The following DAW1 variants were observed in gnomAD, a reference collection of about 807,000 sequenced individuals.
The protein encoded by DAW1 is dynein assembly factor with WD repeats 1, also known as dynein assembly factor with WD repeat domains 1.
DAW1 carries 47 observed loss-of-function variants against 56.5 expected under a neutral mutation model. That is an observed-to-expected ratio of 0.83 (90% CI 0.66 to 1.06). DAW1 has a LOEUF of 1.06. DAW1 is among the 50% of genes least tolerant of loss of function. The probability of loss-of-function intolerance (pLI) is 0.00; values close to 1 mark genes in which losing one functional copy is unlikely to be tolerated. For synonymous variants in DAW1, 190 were observed against 179.0 expected, an observed-to-expected ratio of 1.06 and a Z score of -0.49; for missense variants, 505 against 499.3, an observed-to-expected ratio of 1.01 and a Z score of -0.11.
At chr2:227,906,185 T>C in intron 8 of DAW1, 51 bp from the exon 9 acceptor site, 1 of 1,443,502 alleles carries the variant, frequency 6.9e-7, no homozygotes, top group Non-Finnish European at 9.7e-7. Context: ...TTCATGTGCA[T>C]ATACTGAAGT....
At chr2:227,922,633 G>A (rs991680803) in intron 12 of DAW1, among the ~76,000 whole-genome samples, 1 of 152,138 alleles carries the variant, frequency 6.6e-6, no homozygotes, top group Non-Finnish European at 1.5e-5. Flanking sequence ...TGGCCAATTA[G>A]GTGGTTTCCT....
chr2:227,876,572 C>A (rs1356294500), intron 1 of DAW1: 1 of 1,185,850 alleles, frequency 8.4e-7, no homozygotes, highest in Non-Finnish European at 1.1e-6. Context: ...TTTATCCCTT[C>A]TGCATATAGA....
intron 10 of DAW1, among the ~76,000 whole-genome samples, chr2:227,913,881 ATCTG>A (rs71422211): frequency 0.25 from 29,586 of 120,030 alleles, 3,308 homozygotes; most frequent in East Asian, 0.45. Context: ...ATATCTATCT[ATCTG>A]TCTGTCTGTC....
At chr2:227,913,881 A>ATCTATCTGTCTG (rs79833260) in intron 10 of DAW1, among the ~76,000 whole-genome samples, 23 of 120,504 alleles carry the variant, frequency 1.9e-4, no homozygotes, top group African/African-American at 3.4e-4. Context: ...ATATCTATCT[A>ATCTATCTGTCTG]TCTGTCTGTC....
chr2:227,903,182 TA>T (rs1691589464), intron 7 of DAW1, 73 bp downstream of exon 7: 1 of 1,496,958 alleles, frequency 6.7e-7, no homozygotes, highest in Non-Finnish European at 9.2e-7. Context: ...AAATGAGCTC[TA>T]AGTTGGAGGT....
chr2:227,872,904 C>T (rs1013261347), intron 1 of DAW1, among the ~76,000 whole-genome samples: 2 of 152,130 alleles, frequency 1.3e-5, no homozygotes, highest in African/African-American at 2.4e-5. Flanking sequence ...GGTTTTCACC[C>T]TCATCTCCTA....
chr2:227,921,331 T>TGGTG, intron 11 of DAW1, 68 bp from the exon 12 acceptor site: 1 of 295,576 alleles, frequency 3.4e-6, no homozygotes, highest in Non-Finnish European at 5.3e-6. Context: ...TTTTTTTTTT[T>TGGTG]TTGCTGATAA....
At chr2:227,881,967 A>G (rs1715846) in intron 1 of DAW1, among the ~76,000 whole-genome samples, 130,338 of 151,966 alleles carry the variant, frequency 0.86, 56,006 homozygotes, top group Middle Eastern at 0.96. Context: ...GGCCAGGCTG[A>G]TCTCAAACTC....
In DAW1 at chr2:227,899,726, C is replaced by T. The variant is rs953394257; in HGVS notation, c.540+1445C>T. Among the ~76,000 whole-genome samples the T allele has an allele frequency of 4.9e-4, 74 of 152,206 alleles. 1 individual carries two copies. Among genetic ancestry groups the T allele is most frequent in the African/African-American group, 1.7e-3 (69 of 41,522 alleles). On this transcript the variant is annotated intron_variant, in intron 6 of 12. Transcript: ENST00000309931. The stretch of plus-strand genomic sequence containing the variant: ...AGGGAGGAAAAGCAAGCCACAGTGG[C>T]GACAGCTTTTGTGAATAGTCGGTGA...
At chr2:227,918,155 T>A (rs924838670) in intron 10 of DAW1, among the ~76,000 whole-genome samples, 47 of 91,700 alleles carry the variant, frequency 5.1e-4, no homozygotes, top group Non-Finnish European at 1.1e-3. Flanking sequence ...CATCCATCCA[T>A]CCATCCATCC....
chr2:227,893,007 C>T lies in DAW1; in HGVS notation c.318-788C>T, dbSNP rs557432455. Among the ~76,000 whole-genome samples the T allele has an allele frequency of 6.6e-4, 101 of 152,090 alleles. 2 individuals are homozygous for T. In the South Asian group the frequency reaches 0.013, roughly 20 times the overall value. ...AATATAGGCCAGGTGTGGTGGCGCA[C>T]GCCTGTAATCCCAGCACTTTGGGAG... On this transcript the variant is annotated intron_variant, in intron 4 of 12. Coordinates refer to ENST00000309931, the MANE Select transcript of DAW1 (RefSeq NM_178821.3).
At chr2:227,914,316 G>C (rs922455222) in intron 10 of DAW1, among the ~76,000 whole-genome samples, 1 of 151,962 alleles carries the variant, frequency 6.6e-6, no homozygotes, top group Admixed American at 6.6e-5. Flanking sequence ...ACCGTGGCTG[G>C]TGCTATAATA....
At chr2:227,897,285 G>A (rs1023245665) in intron 5 of DAW1, among the ~76,000 whole-genome samples, 1 of 151,960 alleles carries the variant, frequency 6.6e-6, no homozygotes, top group Non-Finnish European at 1.5e-5. Flanking sequence ...CAAAGAGGAT[G>A]GCACTTTGCT....
rs369289930 is a variant in DAW1, at chr2:227,913,457, C to T, written c.974-5323C>T. 6.4e-4 allele frequency among the ~76,000 whole-genome samples: 98 copies of T among 152,228 alleles called. 1 individual carries two copies. Among genetic ancestry groups the T allele is most frequent in the African/African-American group, 2.2e-3 (91 of 41,544 alleles). On this transcript the variant is annotated intron_variant, in intron 10 of 12. Coordinates refer to ENST00000309931, the MANE Select transcript of DAW1 (RefSeq NM_178821.3). ...ATAATGCTTTTCTCCTTGATAACCA[C>T]ATATGATGCCTGATATTTATATGGA...
chr2:227,893,253 G>A (rs1691315827), intron 4 of DAW1, among the ~76,000 whole-genome samples: 2 of 145,980 alleles, frequency 1.4e-5, no homozygotes, highest in African/African-American at 5.0e-5. Flanking sequence ...CTGGGTGACA[G>A]AGCAAGACTC....
rs1330563930 is a variant in DAW1, at chr2:227,898,325, A to G, written c.540+44A>G. On this transcript the variant is annotated intron_variant, in intron 6 of 12. Transcript: ENST00000309931. Reference sequence around the variant, plus strand: ...TTATTATTATTTTATGTATATATATATATTATTTTCTTTGAGATGGAGTCT... The same window carrying G: ...TTATTATTATTTTATGTATATATATGTATTATTTTCTTTGAGATGGAGTCT... The G allele has an allele frequency of 5.9e-6, 6 of 1,017,360 alleles. 1 individual carries two copies. The highest frequency in any genetic ancestry group is 8.6e-5 in the Admixed American group (2 of 23,282). The allele number at this position is 1,017,360 out of a possible 1,614,324, so 63.0% of individuals were successfully genotyped here.
rs146002940 is a variant in DAW1 at position 227,917,204 on chromosome 2, C to T, written c.974-1576C>T. Among the ~76,000 whole-genome samples the T allele has an allele frequency of 1.1e-3, 172 of 151,874 alleles. 3 individuals carry two copies. The highest frequency in any genetic ancestry group is 3.5e-3 in the African/African-American group (147 of 41,418). On this transcript the variant is annotated intron_variant, in intron 10 of 12. Coordinates refer to ENST00000309931, the MANE Select transcript of DAW1 (RefSeq NM_178821.3). ...TCTATCTATGTATCTATCCATCTAT[C>T]GATCGATCTATCTACTTTTTCTTCT...
rs747002375 is a variant in DAW1, at chr2:227,907,237, A to G, written c.958A>G (p.Thr320Ala). 6.2e-7 allele frequency: 1 copy of G among 1,612,924 alleles called. No homozygotes were observed. The highest frequency in any genetic ancestry group is 1.1e-5 in the South Asian group (1 of 90,808). The change falls in exon 10 of 13, where the codon ACT (threonine) becomes GCT (alanine). Residue 320 changes from threonine to alanine, a missense_variant. Thr to Ala is a moderately conservative substitution (Grantham distance 58). Coordinates refer to ENST00000309931, the MANE Select transcript of DAW1 (RefSeq NM_178821.3). ...CFDYTGKLIA[T>A]ASADGTARIF... ...TGATTACACTGGAAAGCTTATTGCA[A>G]CTGCTTCAGCTGATGGTAGGTGATC...
At chr2:227,880,901 A>G (rs1690995354) in intron 1 of DAW1, among the ~76,000 whole-genome samples, 1 of 152,228 alleles carries the variant, frequency 6.6e-6, no homozygotes, top group African/African-American at 2.4e-5. Context: ...TTTGCAATTA[A>G]TACTTAGCAT....
Sources: allele counts gnomAD v4.1 joint callset (sites outside exome capture counted in the v4.1 genomes callset), GRCh38; gene constraint gnomAD v4.1.1; transcripts MANE v1.5; gene names NCBI Gene and HGNC (gene_info 2026-07-23, HGNC 2026-07-21).